Variants in AGBL1 observed in about 807,000 individuals in gnomAD.
AGBL1 encodes the protein cytosolic carboxypeptidase 4.
AGBL1 carries 130 observed loss-of-function variants against 118.9 expected under a neutral mutation model. The observed-to-expected ratio is 1.09, with a 90% CI of 0.95 to 1.26. The LOEUF (loss-of-function observed/expected upper bound fraction) is 1.26. Ranked by LOEUF, AGBL1 falls within the 50% of genes most tolerant of loss-of-function variation. The probability of loss-of-function intolerance (pLI) is 0.00; values close to 1 mark genes in which losing one functional copy is unlikely to be tolerated. For synonymous variants in AGBL1, 555 were observed against 478.9 expected, an observed-to-expected ratio of 1.16 and a Z score of -2.08; for missense variants, 1,584 against 1,298.1, an observed-to-expected ratio of 1.22 and a Z score of -3.38.
intron 5 of AGBL1, among the ~76,000 whole-genome samples, chr15:86,200,555 C>A (rs887338247): frequency 2.1e-5 from 3 of 141,198 alleles, no homozygotes; most frequent in African/African-American, 5.2e-5. Context: ...CCCCTACCCC[C>A]CCCCCCCTTT....
intron 24 of AGBL1, among the ~76,000 whole-genome samples, chr15:87,002,646 T>A (rs2081452608): frequency 1.3e-5 from 2 of 152,192 alleles, no homozygotes; most frequent in Admixed American, 6.5e-5. Context: ...TGTCCTCCTT[T>A]ATTTTGTTGA....
In AGBL1 at chr15:86,527,299, A is replaced by G. The variant is rs570164221; in HGVS notation, c.2685+4360A>G. 7.2e-5 allele frequency among the ~76,000 whole-genome samples: 11 copies of G among 152,364 alleles called. No individual in the cohort carries two copies. In the South Asian group the frequency reaches 2.1e-3, roughly 29 times the overall value. On this transcript the variant is annotated intron_variant, in intron 19 of 22. Transcript: ENST00000614907. Reference sequence around the variant, plus strand: ...AAACAGAATTCCTCTCTGCTCTGACAACCTCTAATTGAAGAGCAGAACATT... The same window carrying G: ...AAACAGAATTCCTCTCTGCTCTGACGACCTCTAATTGAAGAGCAGAACATT...
At chr15:86,703,783 T>C (rs1694708470) in intron 22 of AGBL1, among the ~76,000 whole-genome samples, 1 of 152,138 alleles carries the variant, frequency 6.6e-6, no homozygotes, top group African/African-American at 2.4e-5. Flanking sequence ...CCCCTACACC[T>C]TCCACCATGA....
At chr15:86,312,041 T>C (rs2079929181) in intron 17 of AGBL1, 1 of 152,242 alleles carries the variant, frequency 6.6e-6, no homozygotes, top group East Asian at 1.9e-4. Context: ...TGAATGTTCA[T>C]GACCTAGTGG....
chr15:86,581,221 A>G (rs1256726544), intron 21 of AGBL1, among the ~76,000 whole-genome samples: 2 of 152,220 alleles, frequency 1.3e-5, no homozygotes, highest in Non-Finnish European at 2.9e-5. Flanking sequence ...TTAGTTCAAC[A>G]ATATATACGA....
At chr15:86,411,150 C>T (rs537074300) in intron 18 of AGBL1, among the ~76,000 whole-genome samples, 10 of 151,346 alleles carry the variant, frequency 6.6e-5, no homozygotes, top group Admixed American at 1.3e-4. Context: ...ACCCTGGCTT[C>T]TTGCCTTCAG....
At chr15:87,009,249 C>T (rs563516650) in intron 24 of AGBL1, among the ~76,000 whole-genome samples, 3 of 152,252 alleles carry the variant, frequency 2.0e-5, no homozygotes, top group South Asian at 2.1e-4. Context: ...CTGCATTGCA[C>T]CTACTCCAGC....
intron 20 of AGBL1, among the ~76,000 whole-genome samples, chr15:86,548,505 T>C (rs1328233515): frequency 6.6e-6 from 1 of 152,146 alleles, no homozygotes; most frequent in East Asian, 1.9e-4. Flanking sequence ...AGATGATAAA[T>C]TGAGAAGCAT....
At chr15:86,516,244 T>C (rs927071543) in intron 18 of AGBL1, among the ~76,000 whole-genome samples, 2 of 152,198 alleles carry the variant, frequency 1.3e-5, no homozygotes, top group Non-Finnish European at 2.9e-5. Flanking sequence ...AGGAATCTCC[T>C]TGTTGGCAAA....
At chr15:86,733,736 A>C (rs1445871168) in intron 22 of AGBL1, among the ~76,000 whole-genome samples, 1 of 152,196 alleles carries the variant, frequency 6.6e-6, no homozygotes, top group African/African-American at 2.4e-5. Context: ...AAGAAAAGTG[A>C]GGCTCAGAAA....
At position 86,303,290 on chromosome 15, in the gene AGBL1, G is replaced by C. The variant is rs576290579; in HGVS notation, c.2374+7882G>C. Among the ~76,000 whole-genome samples, 4 of 152,284 alleles carry C rather than the reference G, an allele frequency of 2.6e-5. No individual in the cohort carries two copies. In the East Asian group the frequency reaches 7.7e-4, roughly 29 times the overall value. On this transcript the variant is annotated intron_variant, in intron 17 of 22. Coordinates refer to ENST00000614907, the MANE Select transcript of AGBL1 (RefSeq NM_001386094.1). ...AGTGAGTGTTCAAGAAATATTATCA[G>C]TTGTTGGTCAACTAAGTGGGTGATG...
At chr15:86,559,576 A>G (rs1476713927) in intron 21 of AGBL1, among the ~76,000 whole-genome samples, 1 of 152,202 alleles carries the variant, frequency 6.6e-6, no homozygotes, top group East Asian at 1.9e-4. Context: ...AGCAATAATG[A>G]TAACAAACAC....
chr15:86,556,051 G>C (rs2142274321), intron 21 of AGBL1, among the ~76,000 whole-genome samples: 1 of 152,314 alleles, frequency 6.6e-6, no homozygotes, highest in African/African-American at 2.4e-5. Flanking sequence ...TTATTAGCTT[G>C]TGACTGTCAT....
intron 1 of AGBL1, among the ~76,000 whole-genome samples, chr15:86,119,802 C>T (rs1197551774): frequency 1.3e-5 from 2 of 151,992 alleles, no homozygotes; most frequent in Non-Finnish European, 2.9e-5. Context: ...GCATAGTTTG[C>T]CACACATCAC....
intron 17 of AGBL1, among the ~76,000 whole-genome samples, chr15:86,349,234 T>C (rs1424706256): frequency 6.6e-6 from 1 of 152,220 alleles, no homozygotes; most frequent in African/African-American, 2.4e-5. Flanking sequence ...TATAAAGCCA[T>C]TGTTTTAAGC....
intron 16 of AGBL1, among the ~76,000 whole-genome samples, chr15:86,290,560 C>T (rs569337486): frequency 1.3e-5 from 2 of 151,938 alleles, no homozygotes; most frequent in Middle Eastern, 3.4e-3. Context: ...CCATGTAGCC[C>T]AGGCTGGTCT....
chr15:86,224,907 T>G lies in AGBL1; in HGVS notation c.489-7T>G. On this transcript the variant is annotated splice_region_variant and splice_polypyrimidine_tract_variant and intron_variant, in intron 5 of 22. Transcript: ENST00000614907. Reference sequence around the variant, plus strand: ...GTTGACTGTTACTTTTCTTTCTCTTTCCCCAGGGCAGCCACTGAAGTTTTG... The same window carrying G: ...GTTGACTGTTACTTTTCTTTCTCTTGCCCCAGGGCAGCCACTGAAGTTTTG... 1 of 1,613,378 alleles carries G rather than the reference T, an allele frequency of 6.2e-7. No homozygotes were observed. The highest frequency in any genetic ancestry group is 8.5e-7 in the Non-Finnish European group (1 of 1,179,460).
Position 86,646,829 on chromosome 15 carries a change from A to G in AGBL1, c.2995-27444A>G, listed in dbSNP as rs1358775160. Among the ~76,000 whole-genome samples the G allele has an allele frequency of 1.3e-5, 2 of 152,212 alleles. 1 individual carries two copies. The highest frequency in any genetic ancestry group is 2.9e-5 in the Non-Finnish European group (2 of 68,040). ...ACATGTGTTTGATAGGTGGTGAGTAATTAGGTTATACATGTTCATTCTTAA... is the reference window on the plus strand; with the variant it reads ...ACATGTGTTTGATAGGTGGTGAGTAGTTAGGTTATACATGTTCATTCTTAA... On this transcript the variant is annotated intron_variant, in intron 21 of 22. Coordinates refer to ENST00000614907, the MANE Select transcript of AGBL1 (RefSeq NM_001386094.1).
chr15:86,771,732 G>A (rs988504304), intron 22 of AGBL1, among the ~76,000 whole-genome samples: 2 of 151,968 alleles, frequency 1.3e-5, no homozygotes, highest in Non-Finnish European at 2.9e-5. Context: ...CACAAATGTA[G>A]TTGTCTTTCT....
Sources: allele counts gnomAD v4.1 joint callset (sites outside exome capture counted in the v4.1 genomes callset), GRCh38; gene constraint gnomAD v4.1.1; transcripts MANE v1.5; gene names NCBI Gene and HGNC (gene_info 2026-07-23, HGNC 2026-07-21).